AAMDC: variants seen among roughly 807,000 people sequenced by gnomAD.
The protein encoded by AAMDC is adipogenesis associated Mth938 domain containing.
Under a neutral mutation model 15.5 loss-of-function variants are expected in AAMDC, and 16 were observed. That is an observed-to-expected ratio of 1.03 (90% CI 0.70 to 1.57). The LOEUF (loss-of-function observed/expected upper bound fraction) is 1.57, where lower values mean the gene tolerates loss of function less well. AAMDC is among the 40% of genes most tolerant of loss of function. The pLI is 0.00. For missense variants in AAMDC, 141 were observed against 144.9 expected (o/e 0.97, Z 0.14); for synonymous variants, 51 against 51.6 (o/e 0.99, Z 0.05).
At chr11:77,833,415 C>T (rs1304049606) in intron 1 of AAMDC, among the ~76,000 whole-genome samples, 1 of 152,166 alleles carries the variant, frequency 6.6e-6, no homozygotes, top group Non-Finnish European at 1.5e-5. Context: ...AAATCCCTCA[C>T]ATGTGCAGTT....
chr11:77,873,152 T>C (rs1438463557), downstream of AAMDC, among the ~76,000 whole-genome samples: 1 of 152,196 alleles, frequency 6.6e-6, no homozygotes, highest in Non-Finnish European at 1.5e-5. Flanking sequence ...GGCTTTGGTG[T>C]CAAATAGCCT....
At chr11:77,846,910 G>T (rs565975239) in intron 2 of AAMDC, among the ~76,000 whole-genome samples, 24 of 152,292 alleles carry the variant, frequency 1.6e-4, no homozygotes, top group African/African-American at 3.8e-4. Flanking sequence ...CATAAAGGAA[G>T]ATTCATATTT....
At chr11:77,900,541 C>G (rs1386592636) in intron 5 of AAMDC, 3 of 657,726 alleles carry the variant, frequency 4.6e-6, no homozygotes, top group Admixed American at 5.1e-5. Context: ...ATATTTATAT[C>G]TCTATGGCAC....
chr11:77,882,762 C>G (rs1326827139), intron 5 of AAMDC, among the ~76,000 whole-genome samples: 1 of 152,132 alleles, frequency 6.6e-6, no homozygotes, highest in African/African-American at 2.4e-5. Flanking sequence ...CCATCTAACA[C>G]CCTGACAGAG....
intron 1 of AAMDC, among the ~76,000 whole-genome samples, chr11:77,828,935 G>A (rs1949300109): frequency 6.6e-6 from 1 of 152,138 alleles, no homozygotes; most frequent in South Asian, 2.1e-4. Context: ...TTCAGATGAT[G>A]AACAAAGTTG....
At chr11:77,841,083 A>T (rs1434411946) in intron 1 of AAMDC, 1 of 659,702 alleles carries the variant, frequency 1.5e-6, no homozygotes, top group Non-Finnish European at 2.8e-6. Context: ...TTGCTGCATC[A>T]TCCTATAGTG....
chr11:77,848,007 C>G (rs919598830), intron 2 of AAMDC, among the ~76,000 whole-genome samples: 5 of 152,226 alleles, frequency 3.3e-5, no homozygotes, highest in Non-Finnish European at 7.4e-5. Flanking sequence ...TTTTCAGGCC[C>G]TCAATGGATT....
downstream of AAMDC, chr11:77,901,460 T>C: frequency 6.2e-7 from 1 of 1,613,976 alleles, no homozygotes; most frequent in Non-Finnish European, 8.5e-7. Context: ...TTGCAAAGCT[T>C]TGGCCTGCAG....
At chr11:77,822,553 C>T (rs912316209) in intron 1 of AAMDC, among the ~76,000 whole-genome samples, 7 of 151,126 alleles carry the variant, frequency 4.6e-5, no homozygotes, top group Admixed American at 4.0e-4. Flanking sequence ...GTCACACAAA[C>T]ACCGAATTTT....
downstream of AAMDC, among the ~76,000 whole-genome samples, chr11:77,903,857 A>C (rs1183086500): frequency 3.3e-5 from 5 of 152,176 alleles, no homozygotes; most frequent in Non-Finnish European, 7.3e-5. Context: ...TCTGTGTCCC[A>C]GATCAGTGCT....
chr11:77,862,040 GTGT>G (rs1274769048), intron 2 of AAMDC, among the ~76,000 whole-genome samples: 2 of 152,112 alleles, frequency 1.3e-5, no homozygotes, highest in African/African-American at 4.8e-5. Context: ...TCCTTTCCCT[GTGT>G]TATAGTGGAC....
intron 2 of AAMDC, among the ~76,000 whole-genome samples, chr11:77,847,599 C>A (rs913059671): frequency 1.3e-5 from 2 of 152,110 alleles, no homozygotes; most frequent in African/African-American, 4.8e-5. Context: ...GAATAAGAAG[C>A]CTTAAATCAT....
At chr11:77,827,693 C>T (rs1434574839) in intron 1 of AAMDC, among the ~76,000 whole-genome samples, 5 of 152,184 alleles carry the variant, frequency 3.3e-5, no homozygotes, top group Non-Finnish European at 7.3e-5. Context: ...TAATTCCTCC[C>T]TCCTAAGGTC....
chr11:77,850,532 G>A (rs1291512885), intron 2 of AAMDC: 3 of 152,046 alleles, frequency 2.0e-5, no homozygotes, highest in Non-Finnish European at 4.4e-5. Context: ...ACTGAAAGGG[G>A]TCAAGAATGA....
rs1951898341 is a variant in AAMDC at position 77,884,146 on chromosome 11, A to G, written c.328+7097A>G. 2.0e-5 allele frequency among the ~76,000 whole-genome samples: 3 copies of G among 152,146 alleles called. No homozygotes were observed. The South Asian group carries it at 6.2e-4, about 32-fold the overall frequency. The stretch of plus-strand genomic sequence containing the variant: ...TCCAGCATGAAGCAGTGTTCAGTAA[A>G]CATTTCCTGAATTCATGGTGAATAA... On this transcript the variant is annotated intron_variant, in intron 5 of 5. Coordinates refer to the AAMDC transcript ENST00000304716.
intron 1 of AAMDC, chr11:77,841,317 T>C: frequency 1.5e-6 from 1 of 679,678 alleles, no homozygotes; most frequent in Non-Finnish European, 2.7e-6. Flanking sequence ...AAACTAAATC[T>C]ATGAATTCTC....
chr11:77,884,615 G>A (rs1238924911), intron 5 of AAMDC, among the ~76,000 whole-genome samples: 1 of 152,224 alleles, frequency 6.6e-6, no homozygotes, highest in African/African-American at 2.4e-5. Flanking sequence ...TATGAAGGCA[G>A]AGTAGGGAAC....
At chr11:77,854,942 C>T (rs1383715587) in intron 2 of AAMDC, among the ~76,000 whole-genome samples, 1 of 152,190 alleles carries the variant, frequency 6.6e-6, no homozygotes, top group South Asian at 2.1e-4. Flanking sequence ...GCAGAGGCTC[C>T]CAAGCCTCAA....
At chr11:77,872,384 C>A (rs1056526975), downstream of AAMDC, 1 of 1,521,466 alleles carries the variant, frequency 6.6e-7, no homozygotes, top group Non-Finnish European at 8.8e-7. Context: ...ATTCTCCAAA[C>A]CAGCCTCCCC....
Sources: gnomAD v4.1 joint callset for allele counts (sites outside exome capture counted in the v4.1 genomes callset) on GRCh38, gnomAD v4.1.1 for gene constraint, MANE v1.5 for transcripts, NCBI Gene and HGNC (gene_info 2026-07-23, HGNC 2026-07-21) for gene names.